The following GSK3B variants were observed in gnomAD, a reference collection of about 807,000 sequenced individuals.
The protein encoded by GSK3B is glycogen synthase kinase 3 beta.
A neutral mutation model predicts 56.4 loss-of-function variants in GSK3B; 15 were observed. The ratio of observed to expected loss-of-function variants is 0.27; its 90% confidence interval spans 0.18 to 0.41. GSK3B has a LOEUF of 0.41. GSK3B is among the 10% of genes least tolerant of loss of function. The pLI, the probability that GSK3B is intolerant of heterozygous loss-of-function variation, is 1.00. For synonymous variants in GSK3B, 181 were observed against 188.9 expected, an observed-to-expected ratio of 0.96 and a Z score of 0.34; for missense variants, 300 against 513.4, an observed-to-expected ratio of 0.58 and a Z score of 4.02.
At chr3:119,989,873 T>A (rs2057548291) in intron 2 of GSK3B, among the ~76,000 whole-genome samples, 2 of 152,178 alleles carry the variant, frequency 1.3e-5, no homozygotes, top group East Asian at 3.9e-4. Flanking sequence ...TCTACAGATG[T>A]CATTGCTCCT....
chr3:119,831,549 C>T (rs1047932526), intron 10 of GSK3B, among the ~76,000 whole-genome samples: 2 of 151,340 alleles, frequency 1.3e-5, no homozygotes, highest in South Asian at 2.1e-4. Context: ...CCCAGCTATT[C>T]GGGAGGCTGA....
intron 3 of GSK3B, among the ~76,000 whole-genome samples, chr3:119,943,422 G>GA (rs1284806780): frequency 6.6e-6 from 1 of 151,964 alleles, no homozygotes; most frequent in Non-Finnish European, 1.5e-5. Flanking sequence ...TGAGGCAAGA[G>GA]AAAAAAATCT....
intron 10 of GSK3B, among the ~76,000 whole-genome samples, chr3:119,839,139 G>A (rs2055735451): frequency 6.6e-6 from 1 of 152,106 alleles, no homozygotes; most frequent in Admixed American, 6.5e-5. Context: ...ATGATTTTAG[G>A]CCACAATCTG....
chr3:120,029,844 C>CA, intron 1 of GSK3B: 1 of 551,296 alleles, frequency 1.8e-6, no homozygotes, highest in Non-Finnish European at 3.7e-6. Context: ...TAATGGCCCC[C>CA]AAAAAAGGAG....
chr3:119,838,138 A>T (rs976907545), intron 10 of GSK3B, among the ~76,000 whole-genome samples: 1 of 151,734 alleles, frequency 6.6e-6, no homozygotes, highest in African/African-American at 2.4e-5. Flanking sequence ...AATTGCAAAA[A>T]ATTAGCAGGG....
chr3:119,993,218 A>T (rs945861332), intron 2 of GSK3B, among the ~76,000 whole-genome samples: 7 of 152,096 alleles, frequency 4.6e-5, no homozygotes, highest in African/African-American at 1.7e-4. Context: ...AAGCCAGAAC[A>T]TAATGAGGTT....
At chr3:119,907,564 A>G (rs2056694979) in intron 6 of GSK3B, among the ~76,000 whole-genome samples, 1 of 152,182 alleles carries the variant, frequency 6.6e-6, no homozygotes, top group African/African-American at 2.4e-5. Flanking sequence ...AATTCTCCAG[A>G]TAGAATAAAA....
At chr3:119,918,158 G>A (rs1370224721) in intron 4 of GSK3B, among the ~76,000 whole-genome samples, 4 of 152,048 alleles carry the variant, frequency 2.6e-5, no homozygotes, top group Non-Finnish European at 5.9e-5. Context: ...AAATAAAGGT[G>A]TAAAATATAA....
chr3:119,887,334 TAAG>T (rs1318998038), intron 7 of GSK3B, among the ~76,000 whole-genome samples: 3 of 151,422 alleles, frequency 2.0e-5, no homozygotes, highest in Non-Finnish European at 4.4e-5. Context: ...TAGGAAAATA[TAAG>T]AAGAGAAAAA....
chr3:120,028,850 G>A (rs2057951874), intron 1 of GSK3B: 3 of 436,590 alleles, frequency 6.9e-6, no homozygotes, highest in Middle Eastern at 5.9e-4. Flanking sequence ...CCCCGCCACG[G>A]CTGCTCAGAC....
chr3:120,087,753 C>T (rs1311109874), intron 1 of GSK3B, among the ~76,000 whole-genome samples: 1 of 152,062 alleles, frequency 6.6e-6, no homozygotes, highest in African/African-American at 2.4e-5. Flanking sequence ...GAAAACTATT[C>T]AATACAAAAA....
intron 10 of GSK3B, among the ~76,000 whole-genome samples, chr3:119,827,138 G>C (rs2055523584): frequency 6.6e-6 from 1 of 152,122 alleles, no homozygotes; most frequent in Non-Finnish European, 1.5e-5. Flanking sequence ...GCTACAGCTG[G>C]GATCAGCTGT....
chr3:119,914,662 T>A (rs781692240), intron 5 of GSK3B, among the ~76,000 whole-genome samples: 1 of 152,058 alleles, frequency 6.6e-6, no homozygotes, highest in Non-Finnish European at 1.5e-5. Context: ...GCCTGCAAAG[T>A]GATAGGTCAT....
intron 7 of GSK3B, among the ~76,000 whole-genome samples, chr3:119,889,539 TA>T (rs1165856148): frequency 2.0e-5 from 3 of 151,462 alleles, no homozygotes; most frequent in African/African-American, 7.3e-5. Flanking sequence ...GACCAACCTC[TA>T]AAAATGCAAC....
At chr3:119,924,212 A>AT (rs2056869997) in intron 3 of GSK3B, among the ~76,000 whole-genome samples, 1 of 152,254 alleles carries the variant, frequency 6.6e-6, no homozygotes, top group African/African-American at 2.4e-5. Flanking sequence ...AAAGAAAGGC[A>AT]TTCTAACTTA....
chr3:119,980,589 G>C (rs1240413888), intron 2 of GSK3B, among the ~76,000 whole-genome samples: 1 of 152,142 alleles, frequency 6.6e-6, no homozygotes, highest in African/African-American at 2.4e-5. Flanking sequence ...CCCAACCTCA[G>C]GTAACCCACC....
At chr3:120,080,406 TG>T (rs1258173162) in intron 1 of GSK3B, among the ~76,000 whole-genome samples, 6 of 151,558 alleles carry the variant, frequency 4.0e-5, no homozygotes, top group Admixed American at 3.9e-4. Flanking sequence ...AAAAAGAAGT[TG>T]TATTATTTAG....
At chr3:119,837,943 C>CATATATATATATATATATAT (rs10574860) in intron 10 of GSK3B, among the ~76,000 whole-genome samples, 1 of 138,598 alleles carries the variant, frequency 7.2e-6, no homozygotes, top group African/African-American at 2.6e-5. Context: ...TGACCATTCA[C>CATATATATATATATATATAT]ATATATATAT....
At chr3:119,912,953 C>T (rs2056749698) in intron 5 of GSK3B, 143 bp from the exon 6 acceptor site, 1 of 453,602 alleles carries the variant, frequency 2.2e-6, no homozygotes, top group South Asian at 5.9e-5. Context: ...AAAATGTAAA[C>T]TGTAACTATC....
Sources: allele counts gnomAD v4.1 joint callset (sites outside exome capture counted in the v4.1 genomes callset), GRCh38; gene constraint gnomAD v4.1.1; transcripts MANE v1.5; gene names NCBI Gene and HGNC (gene_info 2026-07-23, HGNC 2026-07-21).